DIAPH1: variants seen among roughly 807,000 people sequenced by gnomAD.
The protein encoded by DIAPH1 is diaphanous related formin 1.
A neutral mutation model predicts 140.7 loss-of-function variants in DIAPH1; 46 were observed. The ratio of observed to expected loss-of-function variants is 0.33; its 90% CI spans 0.26 to 0.42. DIAPH1 has a LOEUF of 0.42. Among genes scored for constraint, DIAPH1 ranks in the 10% least tolerant of loss-of-function variants. The pLI is 1.00. For synonymous variants in DIAPH1, 565 were observed against 551.6 expected (o/e 1.02, Z -0.34); for missense variants, 1,310 against 1,558.7 (o/e 0.84, Z 2.69).
intron 1 of DIAPH1, among the ~76,000 whole-genome samples, chr5:141,592,341 A>G (rs1363074131): frequency 6.6e-6 from 1 of 152,162 alleles, no homozygotes; most frequent in African/African-American, 2.4e-5. Context: ...GTATATTCAG[A>G]GTGTATTGTT....
At chr5:141,563,972 T>C (rs2099893985) in intron 18 of DIAPH1, 1 of 152,190 alleles carries the variant, frequency 6.6e-6, no homozygotes, top group Non-Finnish European at 1.5e-5. Context: ...TAAAGTAGTT[T>C]TTCAGCAGAA....
intron 18 of DIAPH1, among the ~76,000 whole-genome samples, chr5:141,567,190 A>ATAT (rs983789064): frequency 2.6e-5 from 4 of 152,168 alleles, no homozygotes; most frequent in African/African-American, 9.7e-5. Context: ...AAATGGCATA[A>ATAT]TATTAGATCC....
intron 3 of DIAPH1, among the ~76,000 whole-genome samples, chr5:141,585,371 C>T (rs1464525564): frequency 2.0e-5 from 3 of 152,172 alleles, no homozygotes; most frequent in African/African-American, 7.2e-5. Context: ...CATTTTAAAT[C>T]TGGGGGACCT....
intron 18 of DIAPH1, chr5:141,560,901 T>A (rs1257878878): frequency 2.2e-6 from 1 of 454,526 alleles, no homozygotes; most frequent in Non-Finnish European, 4.4e-6. Context: ...CCTTCTTTGT[T>A]CCTGAGGTGG....
chr5:141,568,650 A>G (rs2099894716), intron 18 of DIAPH1, among the ~76,000 whole-genome samples: 1 of 152,152 alleles, frequency 6.6e-6, no homozygotes, highest in African/African-American at 2.4e-5. Flanking sequence ...GTGTAACAGG[A>G]GACTTTTCAC....
intron 1 of DIAPH1, among the ~76,000 whole-genome samples, chr5:141,603,636 T>A (rs1247082915): frequency 6.6e-6 from 1 of 152,218 alleles, no homozygotes; most frequent in Non-Finnish European, 1.5e-5. Context: ...GCTTATAAAT[T>A]TGAAATAATT....
At chr5:141,599,789 A>AC (rs1167435854) in intron 1 of DIAPH1, among the ~76,000 whole-genome samples, 7 of 152,222 alleles carry the variant, frequency 4.6e-5, no homozygotes, top group Admixed American at 3.9e-4. Flanking sequence ...AGCCTGATGT[A>AC]CACACCCTGT....
chr5:141,516,763 G>A lies in DIAPH1; in HGVS notation c.*88C>T, dbSNP rs574596779. 1,383 of 1,516,612 alleles carry A rather than the reference G, an allele frequency of 9.1e-4. 5 individuals carry two copies. Among genetic ancestry groups the A allele is most frequent in the Middle Eastern group, 3.4e-3 (15 of 4,360 alleles). The allele number at this position is 1,516,612 out of a possible 1,614,324, so 93.9% of individuals were successfully genotyped here. A position where few individuals can be genotyped will look rare whatever the true frequency, so the allele number is the denominator to read the frequency against. ...GGTGGTGGGAGTGGCCACCCCAGAG[G>A]AATATCCCCTTGAGCCTTTAGGCAC... On this transcript the variant is annotated 3_prime_UTR_variant, in exon 28 of 28. Coordinates refer to ENST00000389054, the MANE Select transcript of DIAPH1 (RefSeq NM_005219.5).
In DIAPH1 at chr5:141,580,842, T is replaced by G. The variant is rs1204190364; in HGVS notation, c.726A>C (p.Leu242=). 19 of 1,614,052 alleles carry G rather than the reference T, an allele frequency of 1.2e-5. No homozygotes were observed. The highest frequency in any genetic ancestry group is 1.6e-5 in the Non-Finnish European group (19 of 1,180,026). ...CAGGATCCATGGCTCTGACCAGCAG[T>G]AGGATTCCTTCTTCTGTCTCCAACA... The part of the protein sequence containing the change: ...KTMLETEEGI[L]LLVRAMDPAV... The change falls in exon 8 of 28, where the codon CTA becomes CTC. Residue 242 remains leucine, a synonymous_variant. Coordinates refer to ENST00000389054, the MANE Select transcript of DIAPH1 (RefSeq NM_005219.5).
In DIAPH1 at chr5:141,580,758, C is replaced by A; in HGVS notation, c.810G>T (p.Pro270=). ...CAGTCACATACATGTCCTCTGGCTG[C>A]GGTAGAATACAAAGAGCAGAAAGCA... ...AKLLSALCIL[P]QPEDMNERVL... Residue 270 remains proline (P), a synonymous_variant, in exon 8 of 28, where the codon CCG becomes CCT. Coordinates refer to ENST00000389054, the MANE Select transcript of DIAPH1 (RefSeq NM_005219.5). 2 of 1,614,012 alleles carry A rather than the reference C, an allele frequency of 1.2e-6. No individual in the cohort carries two copies. Among genetic ancestry groups the A allele is most frequent in the East Asian group, 2.2e-5 (1 of 44,878 alleles).
At chr5:141,593,771 C>T (rs565558643) in intron 1 of DIAPH1, among the ~76,000 whole-genome samples, 1 of 152,328 alleles carries the variant, frequency 6.6e-6, no homozygotes, top group East Asian at 1.9e-4. Flanking sequence ...CCAAAATCCA[C>T]AACACGGATG....
At chr5:141,587,013 A>C in intron 3 of DIAPH1, 29 bp downstream of exon 3, 3 of 1,613,672 alleles carry the variant, frequency 1.9e-6, no homozygotes, top group Admixed American at 3.3e-5. Flanking sequence ...GCACAGGAAG[A>C]AGCAACATTT....
intron 16 of DIAPH1, among the ~76,000 whole-genome samples, chr5:141,573,187 A>G (rs1301025478): frequency 6.6e-6 from 1 of 152,158 alleles, no homozygotes; most frequent in East Asian, 1.9e-4. Flanking sequence ...CTGTAATCCC[A>G]GCACTTTGGG....
intron 7 of DIAPH1, 151 bp downstream of exon 7, chr5:141,582,161 G>GTATA (rs2099896875): frequency 5.3e-6 from 3 of 570,940 alleles, no homozygotes; most frequent in Non-Finnish European, 1.0e-5. Context: ...ACAGAAGCAT[G>GTATA]TATATGTGGC....
chr5:141,517,499 G>T (rs913487682), intron 27 of DIAPH1, among the ~76,000 whole-genome samples: 2 of 152,160 alleles, frequency 1.3e-5, no homozygotes, highest in Non-Finnish European at 1.5e-5. Context: ...TCCGTAAGTG[G>T]CTGGAGAGAC....
chr5:141,520,184 C>T (rs766558946), intron 27 of DIAPH1, among the ~76,000 whole-genome samples: 3 of 152,228 alleles, frequency 2.0e-5, no homozygotes, highest in Non-Finnish European at 4.4e-5. Flanking sequence ...CAATCATCAT[C>T]ACACTAAATA....
In DIAPH1 at chr5:141,515,924, T is replaced by G. The variant is rs921239727; in HGVS notation, c.*927A>C. On this transcript the variant is annotated 3_prime_UTR_variant, in exon 28 of 28. Transcript: ENST00000389054. ...AACAGTTTTCTTTAAAAAAATTTTT[T>G]TTTTCATACAAAAATAGATCCATTT... The G allele has an allele frequency of 2.0e-5, 3 of 152,292 alleles. No homozygotes were observed. The highest frequency in any genetic ancestry group is 7.2e-5 in the African/African-American group (3 of 41,458). 9.4% of individuals were successfully genotyped at this position (152,292 alleles called of 1,614,324 possible).
At chr5:141,531,353 AAGCTAGAGTGC>A (rs2099888206) in intron 19 of DIAPH1, among the ~76,000 whole-genome samples, 1 of 150,788 alleles carries the variant, frequency 6.6e-6, no homozygotes, top group Non-Finnish European at 1.5e-5. Flanking sequence ...TCTGTTGCCC[AAGCTAGAGTGC>A]AGCAGTGCAG....
chr5:141,538,448 G>A (rs1186109382), intron 18 of DIAPH1, among the ~76,000 whole-genome samples: 1 of 152,040 alleles, frequency 6.6e-6, no homozygotes, highest in Non-Finnish European at 1.5e-5. Context: ...CGCCTCCCAG[G>A]TTCACACCAT....
Sources: allele counts gnomAD v4.1 joint callset (sites outside exome capture counted in the v4.1 genomes callset), GRCh38; gene constraint gnomAD v4.1.1; transcripts MANE v1.5; gene names NCBI Gene and HGNC (gene_info 2026-07-23, HGNC 2026-07-21).